PEX5L: variants seen among roughly 807,000 people sequenced by gnomAD.
The protein encoded by PEX5L is PEX5-related protein.
Under a neutral mutation model 84.0 loss-of-function variants are expected in PEX5L, and 30 were observed. The ratio of observed to expected loss-of-function variants is 0.36; its 90% CI spans 0.27 to 0.48. The LOEUF is 0.48. Among genes scored for constraint, PEX5L ranks in the 20% least tolerant of loss-of-function variants. The probability of loss-of-function intolerance (pLI) is 0.99; values close to 1 mark genes in which losing one functional copy is unlikely to be tolerated. For synonymous variants in PEX5L, 270 were observed against 283.1 expected, an observed-to-expected ratio of 0.95 and a Z score of 0.46; for missense variants, 533 against 754.6, an observed-to-expected ratio of 0.71 and a Z score of 3.44.
chr3:179,880,004 A>G lies in PEX5L; in HGVS notation c.430T>C (p.Ser144Pro). The G allele has an allele frequency of 6.2e-7, 1 of 1,614,018 alleles. No homozygotes were observed. The highest frequency in any genetic ancestry group is 2.2e-5 in the East Asian group (1 of 44,884). The stretch of plus-strand genomic sequence containing the variant: ...TCAGCATCCGTGCTGATGAGGTCAG[A>G]TCCATCGGCCTTTTTCTTGAGGGAT... ...TSSLKKKADG[S>P]DLISTDAEQR... The change falls in exon 5 of 15, where the codon TCT becomes CCT. Residue 144 changes from serine (S) to proline (P), a missense_variant. Ser to Pro is a moderately conservative substitution (Grantham distance 74). Around this residue, in one of 8 missense-constraint regions of PEX5L, gnomAD observed 259 missense variants for 301.7 expected, o/e 0.86. Transcript: ENST00000467460.
rs770077367 is a variant in PEX5L, at chr3:179,880,008, A to T, written c.426T>A (p.Asp142Glu). Residue 142 changes from aspartate to glutamate, a missense_variant, in exon 5 of 15, where the codon GAT (aspartate) becomes GAA (glutamate). By Grantham distance (45) the Asp-to-Glu change is conservative (BLOSUM62 2). Transcript: ENST00000467460. ...SKTSSLKKKA[D>E]GSDLISTDAE... ...CATCCGTGCTGATGAGGTCAGATCC[A>T]TCGGCCTTTTTCTTGAGGGATGAGG... is the stretch of plus-strand genomic sequence containing the variant. 1 of 1,613,840 alleles carries T rather than the reference A, an allele frequency of 6.2e-7. No homozygotes were observed. Among genetic ancestry groups the T allele is most frequent in the Non-Finnish European group, 8.5e-7 (1 of 1,179,894 alleles).
chr3:179,836,462 A>G (rs1385779253), intron 8 of PEX5L, among the ~76,000 whole-genome samples: 1 of 152,184 alleles, frequency 6.6e-6, no homozygotes, highest in Non-Finnish European at 1.5e-5. Flanking sequence ...GGAGTCACTC[A>G]TGCTGAAGTT....
At position 179,887,566 on chromosome 3, in the gene PEX5L, G is replaced by A. The variant is rs147630562; in HGVS notation, c.310+107C>T. ...AGTATACATTCTAAAGTTTCATTTG[G>A]TTGCAAACGTTCTTTCCTCACTTAA... On this transcript the variant is annotated intron_variant, in intron 4 of 14. Coordinates refer to ENST00000467460, the MANE Select transcript of PEX5L (RefSeq NM_016559.3). 5.8e-4 allele frequency: 430 copies of A among 745,058 alleles called. No individual in the cohort carries two copies. In the African/African-American group the frequency reaches 6.5e-3, roughly 11 times the overall value. 46.2% of individuals were successfully genotyped at this position (745,058 alleles called of 1,614,324 possible).
At chr3:180,021,580 A>G (rs1258848248) in intron 1 of PEX5L, among the ~76,000 whole-genome samples, 1 of 152,208 alleles carries the variant, frequency 6.6e-6, no homozygotes, top group East Asian at 1.9e-4. Context: ...GATATGAGAG[A>G]GGAGCGGATG....
intron 1 of PEX5L, among the ~76,000 whole-genome samples, chr3:180,034,131 C>T (rs1051558509): frequency 7.9e-5 from 12 of 152,160 alleles, no homozygotes; most frequent in African/African-American, 2.9e-4. Flanking sequence ...CCTGAGAACA[C>T]CTGCCCCTAC....
At chr3:179,996,470 G>A (rs1484148739) in intron 1 of PEX5L, among the ~76,000 whole-genome samples, 4 of 152,166 alleles carry the variant, frequency 2.6e-5, no homozygotes, top group Admixed American at 2.0e-4. Flanking sequence ...CCCACTGCGA[G>A]TGAGCTGGAA....
chr3:179,821,657 AT>A (rs1213458739), intron 8 of PEX5L, among the ~76,000 whole-genome samples: 5 of 152,216 alleles, frequency 3.3e-5, no homozygotes, highest in Admixed American at 3.3e-4. Context: ...AGGCATCTTG[AT>A]AATCTATGTC....
intron 2 of PEX5L, among the ~76,000 whole-genome samples, chr3:179,903,942 T>C (rs1361528078): frequency 6.6e-6 from 1 of 152,240 alleles, no homozygotes; most frequent in Non-Finnish European, 1.5e-5. Context: ...AGCACAGATC[T>C]AGGTGTAAAC....
intron 12 of PEX5L, among the ~76,000 whole-genome samples, chr3:179,808,838 G>A (rs370370949): frequency 2.0e-5 from 3 of 152,168 alleles, no homozygotes; most frequent in Admixed American, 6.5e-5. Flanking sequence ...AGCACTTTGG[G>A]AGGCCGAGGC....
intron 1 of PEX5L, among the ~76,000 whole-genome samples, chr3:179,983,198 G>A (rs1786497839): frequency 1.3e-5 from 2 of 151,688 alleles, no homozygotes; most frequent in South Asian, 4.2e-4. Flanking sequence ...TGTATTTAAT[G>A]ACATGAACAT....
chr3:179,870,004 T>A (rs1342024583), intron 7 of PEX5L, among the ~76,000 whole-genome samples: 1 of 152,198 alleles, frequency 6.6e-6, no homozygotes, highest in South Asian at 2.1e-4. Context: ...GTGCCAATCA[T>A]GGAGTTTTGG....
intron 8 of PEX5L, among the ~76,000 whole-genome samples, chr3:179,848,072 A>T (rs1209547413): frequency 6.6e-6 from 1 of 152,162 alleles, no homozygotes; most frequent in African/African-American, 2.4e-5. Context: ...TGTAAGGCAA[A>T]AATAAAGTGT....
At chr3:180,021,106 G>A (rs1469524194) in intron 1 of PEX5L, among the ~76,000 whole-genome samples, 2 of 152,142 alleles carry the variant, frequency 1.3e-5, no homozygotes, top group East Asian at 1.9e-4. Context: ...GAGGTTTACG[G>A]AAGACTCCTT....
intron 14 of PEX5L, 66 bp downstream of exon 14, chr3:179,807,608 C>T (rs1721865224): frequency 2.0e-6 from 3 of 1,479,978 alleles, no homozygotes; most frequent in Admixed American, 1.8e-5. Context: ...TTGGAAACAA[C>T]CTTTCAGATT....
At chr3:179,976,162 G>C (rs1424713161) in intron 1 of PEX5L, among the ~76,000 whole-genome samples, 4 of 152,220 alleles carry the variant, frequency 2.6e-5, no homozygotes, top group Non-Finnish European at 5.9e-5. Flanking sequence ...TAAATGATGA[G>C]GAAGAGGAGT....
chr3:179,992,927 C>T (rs1787521014), intron 1 of PEX5L, among the ~76,000 whole-genome samples: 1 of 151,766 alleles, frequency 6.6e-6, no homozygotes, highest in Non-Finnish European at 1.5e-5. Context: ...TGTATTTTTC[C>T]TTGCAGAACG....
At chr3:180,013,342 T>C (rs981427507) in intron 1 of PEX5L, among the ~76,000 whole-genome samples, 1 of 152,190 alleles carries the variant, frequency 6.6e-6, no homozygotes, top group African/African-American at 2.4e-5. Flanking sequence ...TAGGTCTCAG[T>C]AAATCAAAAT....
At chr3:179,998,139 G>A (rs1396031246) in intron 1 of PEX5L, among the ~76,000 whole-genome samples, 2 of 152,160 alleles carry the variant, frequency 1.3e-5, no homozygotes, top group African/African-American at 2.4e-5. Context: ...AATTTCTAGG[G>A]GTCCAGTGGT....
At chr3:179,865,028 C>G (rs1747615332) in intron 7 of PEX5L, among the ~76,000 whole-genome samples, 1 of 152,090 alleles carries the variant, frequency 6.6e-6, no homozygotes, top group Non-Finnish European at 1.5e-5. Flanking sequence ...TGGCTTCTTC[C>G]CTTCGTCAGT....
Sources: allele counts gnomAD v4.1 joint callset (sites outside exome capture counted in the v4.1 genomes callset), GRCh38; gene constraint gnomAD v4.1.1; regional missense constraint gnomAD v4.1.1; transcripts MANE v1.5; gene names NCBI Gene and HGNC (gene_info 2026-07-23, HGNC 2026-07-21).